SORCS2: variants seen among roughly 807,000 people sequenced by gnomAD.
SORCS2 encodes the protein sortilin related VPS10 domain containing receptor 2.
In SORCS2, 100 loss-of-function variants were observed where a neutral mutation model predicts 141.6. The observed-to-expected ratio is 0.71, with a 90% CI of 0.60 to 0.83. The LOEUF (loss-of-function observed/expected upper bound fraction) is 0.83. Ranked by LOEUF, SORCS2 falls within the 40% of genes least tolerant of loss-of-function variation. SORCS2 has a pLI of 0.00. For missense variants in SORCS2, 1,646 were observed against 1,560.2 expected (o/e 1.05, Z -0.93); for synonymous variants, 789 against 676.9 (o/e 1.17, Z -2.57).
At chr4:7,303,401 C>A (rs1448091686) in intron 1 of SORCS2, among the ~76,000 whole-genome samples, 1 of 152,210 alleles carries the variant, frequency 6.6e-6, no homozygotes, top group Non-Finnish European at 1.5e-5. Flanking sequence ...TAAAAAGAAA[C>A]CCGTCTCATC....
chr4:7,256,414 A>T (rs1336904735), intron 1 of SORCS2, among the ~76,000 whole-genome samples: 1 of 152,242 alleles, frequency 6.6e-6, no homozygotes, highest in East Asian at 1.9e-4. Flanking sequence ...ACCATGTGTG[A>T]CAAATAAAAG....
chr4:7,674,375 C>T (rs1245817380), intron 8 of SORCS2, among the ~76,000 whole-genome samples: 1 of 151,884 alleles, frequency 6.6e-6, no homozygotes, highest in East Asian at 1.9e-4. Context: ...AGATTGAGAC[C>T]ATCCTGGCTA....
intron 25 of SORCS2, among the ~76,000 whole-genome samples, chr4:7,735,562 C>A (rs942167199): frequency 6.6e-6 from 1 of 152,102 alleles, no homozygotes; most frequent in Non-Finnish European, 1.5e-5. Context: ...GGGAGGACTT[C>A]CCTGAGGAAG....
At chr4:7,657,274 A>G (rs1721835691) in intron 5 of SORCS2, among the ~76,000 whole-genome samples, 1 of 152,262 alleles carries the variant, frequency 6.6e-6, no homozygotes, top group Non-Finnish European at 1.5e-5. Context: ...GAATGAGTAA[A>G]TGGCTCAGTG....
chr4:7,617,541 C>T (rs375479790), intron 3 of SORCS2, among the ~76,000 whole-genome samples: 10 of 152,106 alleles, frequency 6.6e-5, no homozygotes, highest in African/African-American at 1.9e-4. Flanking sequence ...ACTATCCTGA[C>T]GTAGAGTAAG....
intron 2 of SORCS2, among the ~76,000 whole-genome samples, chr4:7,461,480 C>T (rs866978016): frequency 3.9e-5 from 6 of 152,232 alleles, no homozygotes; most frequent in African/African-American, 7.2e-5. Flanking sequence ...GTAGCACCCC[C>T]GCGAGCAACA....
intron 3 of SORCS2, among the ~76,000 whole-genome samples, chr4:7,577,029 C>T (rs971900415): frequency 6.6e-6 from 1 of 152,212 alleles, no homozygotes; most frequent in Non-Finnish European, 1.5e-5. Context: ...CTGGCCACCC[C>T]TCTGCCATGT....
chr4:7,407,761 C>G (rs1725061850), intron 2 of SORCS2, among the ~76,000 whole-genome samples: 2 of 152,032 alleles, frequency 1.3e-5, no homozygotes, highest in Admixed American at 1.3e-4. Context: ...CTCTTCCTTT[C>G]TTACTATTTT....
intron 1 of SORCS2, among the ~76,000 whole-genome samples, chr4:7,206,052 A>G (rs1418450240): frequency 1.3e-5 from 2 of 151,830 alleles, no homozygotes; most frequent in Non-Finnish European, 1.5e-5. Context: ...TCTCAAAACA[A>G]AAACAAAAAC....
chr4:7,219,352 C>T (rs762306170), intron 1 of SORCS2, among the ~76,000 whole-genome samples: 1 of 152,110 alleles, frequency 6.6e-6, no homozygotes, highest in Non-Finnish European at 1.5e-5. Context: ...CTATCTAGGC[C>T]GCATTCTAAG....
chr4:7,654,310 C>G (rs1290246506), intron 5 of SORCS2, 103 bp downstream of exon 5: 2 of 1,199,468 alleles, frequency 1.7e-6, no homozygotes, highest in African/African-American at 3.0e-5. Flanking sequence ...CTTTCCTCCT[C>G]TGGACCCTCC....
At chr4:7,696,215 A>G (rs1468454574) in intron 11 of SORCS2, among the ~76,000 whole-genome samples, 2 of 152,156 alleles carry the variant, frequency 1.3e-5, no homozygotes, top group Non-Finnish European at 2.9e-5. Context: ...ATGATATACA[A>G]GTCACCCAGG....
chr4:7,373,460 A>T (rs995369443), intron 1 of SORCS2, among the ~76,000 whole-genome samples: 2 of 57,224 alleles, frequency 3.5e-5, no homozygotes, highest in African/African-American at 1.3e-4. Context: ...AGAAACTTTT[A>T]TATATATATA....
chr4:7,717,148 C>G (rs1451570483), intron 17 of SORCS2, among the ~76,000 whole-genome samples: 1 of 152,192 alleles, frequency 6.6e-6, no homozygotes, highest in Non-Finnish European at 1.5e-5. Flanking sequence ...AAAAGGTTGC[C>G]CAGGGCCTCT....
chr4:7,393,071 A>G (rs1389567523), intron 1 of SORCS2, among the ~76,000 whole-genome samples: 5 of 152,274 alleles, frequency 3.3e-5, no homozygotes, highest in African/African-American at 9.6e-5. Flanking sequence ...GACGGGAGGC[A>G]AGAGGATGAG....
At chr4:7,607,054 G>T (rs1370668819) in intron 3 of SORCS2, among the ~76,000 whole-genome samples, 2 of 152,128 alleles carry the variant, frequency 1.3e-5, no homozygotes, top group African/African-American at 4.8e-5. Flanking sequence ...GAGGCAGAAA[G>T]CCCCCGTCAA....
intron 1 of SORCS2, among the ~76,000 whole-genome samples, chr4:7,273,501 G>A (rs551679199): frequency 6.6e-6 from 1 of 152,282 alleles, no homozygotes; most frequent in East Asian, 1.9e-4. Flanking sequence ...CTGAGGCAGA[G>A]GGAGAGAGAG....
At chr4:7,535,907 A>T (rs1490272021) in intron 3 of SORCS2, among the ~76,000 whole-genome samples, 1 of 152,198 alleles carries the variant, frequency 6.6e-6, no homozygotes. Flanking sequence ...TCCCGCCCAC[A>T]CCTCTGTGTT....
At chr4:7,581,493 G>A (rs552631446) in intron 3 of SORCS2, among the ~76,000 whole-genome samples, 51 of 152,262 alleles carry the variant, frequency 3.3e-4, no homozygotes, top group African/African-American at 1.2e-3. Flanking sequence ...CAAAAATCAA[G>A]GCGTATGTTA....
Sources: gnomAD v4.1 joint callset for allele counts (sites outside exome capture counted in the v4.1 genomes callset) on GRCh38, gnomAD v4.1.1 for gene constraint, MANE v1.5 for transcripts, NCBI Gene and HGNC (gene_info 2026-07-23, HGNC 2026-07-21) for gene names.